The following CNTN4 variants were observed in gnomAD, a reference collection of about 807,000 sequenced individuals.
CNTN4 encodes the protein contactin 4, also known as contactin-4.
CNTN4 carries 77 observed loss-of-function variants against 122.5 expected under a neutral mutation model. That is an observed-to-expected ratio of 0.63 (90% CI 0.52 to 0.76). The LOEUF (loss-of-function observed/expected upper bound fraction) is 0.76, where lower values mean the gene tolerates loss of function less well. Ranked by LOEUF, CNTN4 falls within the 30% of genes least tolerant of loss-of-function variation. CNTN4 has a pLI of 0.00. For missense variants in CNTN4, 1,256 were observed against 1,259.1 expected, an observed-to-expected ratio of 1.00 and a Z score of 0.04; for synonymous variants, 512 against 447.0, an observed-to-expected ratio of 1.15 and a Z score of -1.83.
chr3:2,109,206 A>G, intron 2 of CNTN4, among the ~76,000 whole-genome samples: 1 of 152,224 alleles, frequency 6.6e-6, no homozygotes, highest in Non-Finnish European at 1.5e-5. Flanking sequence ...AGGCAAGGTC[A>G]GTATTGGTGC....
chr3:2,254,192 A>G (rs903624791), intron 2 of CNTN4, among the ~76,000 whole-genome samples: 1 of 152,066 alleles, frequency 6.6e-6, no homozygotes, highest in Non-Finnish European at 1.5e-5. Context: ...TTCCAGCTTC[A>G]TCCATGTCCC....
At chr3:2,828,160 G>C (rs1434842866) in intron 7 of CNTN4, among the ~76,000 whole-genome samples, 1 of 151,886 alleles carries the variant, frequency 6.6e-6, no homozygotes, top group African/African-American at 2.4e-5. Context: ...TGTATAATGA[G>C]AGAAGTGCCC....
At chr3:2,991,862 C>A (rs1695083759) in intron 14 of CNTN4, among the ~76,000 whole-genome samples, 2 of 152,158 alleles carry the variant, frequency 1.3e-5, no homozygotes, top group Middle Eastern at 3.2e-3. Flanking sequence ...TACAAAGGGA[C>A]TAATTTATCA....
At chr3:2,334,861 C>T (rs1010000771) in intron 2 of CNTN4, among the ~76,000 whole-genome samples, 2 of 152,140 alleles carry the variant, frequency 1.3e-5, no homozygotes, top group African/African-American at 4.8e-5. Flanking sequence ...TTTTCATGCT[C>T]TTACCTGTCA....
At chr3:2,509,846 A>G (rs960349910) in intron 3 of CNTN4, among the ~76,000 whole-genome samples, 1 of 152,184 alleles carries the variant, frequency 6.6e-6, no homozygotes, top group African/African-American at 2.4e-5. Context: ...AGAAAGTAAG[A>G]TGGAGAAATC....
chr3:2,383,958 A>AT (rs1229578906), intron 3 of CNTN4, among the ~76,000 whole-genome samples: 1 of 152,214 alleles, frequency 6.6e-6, no homozygotes, highest in Admixed American at 6.5e-5. Context: ...GTATGTATAT[A>AT]TCACAACCAT....
intron 3 of CNTN4, among the ~76,000 whole-genome samples, chr3:2,379,593 T>C (rs1007329924): frequency 1.3e-5 from 2 of 152,236 alleles, no homozygotes; most frequent in African/African-American, 2.4e-5. Context: ...TTATAAAATA[T>C]GTCAGGGATA....
At chr3:2,422,159 C>T (rs1178353092) in intron 3 of CNTN4, among the ~76,000 whole-genome samples, 1 of 152,208 alleles carries the variant, frequency 6.6e-6, no homozygotes, top group African/African-American at 2.4e-5. Flanking sequence ...GTTTTAACCA[C>T]ATCTAGAGCA....
chr3:2,206,709 A>G (rs912674641), intron 2 of CNTN4, among the ~76,000 whole-genome samples: 1 of 152,088 alleles, frequency 6.6e-6, no homozygotes, highest in Non-Finnish European at 1.5e-5. Context: ...TAGAATAGTG[A>G]TAATAAGCAT....
intron 4 of CNTN4, among the ~76,000 whole-genome samples, chr3:2,628,603 T>C (rs574440407): frequency 6.6e-6 from 1 of 152,338 alleles, no homozygotes; most frequent in Admixed American, 6.5e-5. Context: ...TTTTCTTTTC[T>C]AGTTGCCTTT....
chr3:2,176,668 G>A (rs561726588), intron 2 of CNTN4, among the ~76,000 whole-genome samples: 79 of 152,218 alleles, frequency 5.2e-4, no homozygotes, highest in African/African-American at 1.8e-3. Flanking sequence ...AGCATGATAT[G>A]CCACAAGCAA....
chr3:2,153,523 A>T (rs1241058298), intron 2 of CNTN4, among the ~76,000 whole-genome samples: 4 of 152,180 alleles, frequency 2.6e-5, no homozygotes, highest in Non-Finnish European at 5.9e-5. Context: ...TTAAACACGA[A>T]TATAGGCGGA....
At chr3:2,235,216 A>G (rs2039635252) in intron 2 of CNTN4, among the ~76,000 whole-genome samples, 1 of 152,196 alleles carries the variant, frequency 6.6e-6, no homozygotes, top group South Asian at 2.1e-4. Flanking sequence ...TTTGAGATGT[A>G]ATGATGCCAA....
At chr3:2,835,667 G>C (rs548575421) in intron 7 of CNTN4, among the ~76,000 whole-genome samples, 1 of 151,904 alleles carries the variant, frequency 6.6e-6, no homozygotes, top group East Asian at 1.9e-4. Context: ...GATACCTACT[G>C]GGTCAAAGAA....
At chr3:2,557,167 G>A (rs2078754294) in intron 3 of CNTN4, among the ~76,000 whole-genome samples, 1 of 152,074 alleles carries the variant, frequency 6.6e-6, no homozygotes, top group Non-Finnish European at 1.5e-5. Context: ...AGTTTCCACA[G>A]ATAACTAAAA....
chr3:2,599,222 A>G (rs1351655999), intron 4 of CNTN4, among the ~76,000 whole-genome samples: 1 of 152,214 alleles, frequency 6.6e-6, no homozygotes, highest in Non-Finnish European at 1.5e-5. Context: ...TGGCAATGTT[A>G]CTAGTTGTAG....
Position 2,238,735 on chromosome 3 carries a change from G to GTTTTT in CNTN4, c.-144-100437_-144-100433dup, listed in dbSNP as rs66733341. On this transcript the variant is annotated intron_variant, in intron 2 of 24. Transcript: ENST00000418658. ...ATTTTTAATTATCAGTTGGCTCTGT[G>GTTTTT]TTTTTTTTTTGAGACGGAGTCTGGC... 1.1e-4 allele frequency: 9 copies of GTTTTT among 78,900 alleles called. 2 individuals are homozygous for GTTTTT. Among genetic ancestry groups the GTTTTT allele is most frequent in the Non-Finnish European group, 1.5e-4 (6 of 40,558 alleles). The allele number at this position is 78,900 out of a possible 1,614,324, so 4.9% of individuals were successfully genotyped here. A position where few individuals can be genotyped will look rare whatever the true frequency, so the allele number is the denominator to read the frequency against.
intron 6 of CNTN4, among the ~76,000 whole-genome samples, chr3:2,782,465 C>CTGGG (rs1421037064): frequency 1.9e-4 from 25 of 133,212 alleles, no homozygotes; most frequent in African/African-American, 7.2e-4. Flanking sequence ...CCTTCTTATT[C>CTGGG]TGTGTGTGTG....
intron 8 of CNTN4, among the ~76,000 whole-genome samples, chr3:2,869,781 T>C (rs933566587): frequency 6.6e-6 from 1 of 152,206 alleles, no homozygotes; most frequent in Non-Finnish European, 1.5e-5. Flanking sequence ...GTTAAATTAA[T>C]ATGTTGGATT....
Sources: allele counts gnomAD v4.1 joint callset (sites outside exome capture counted in the v4.1 genomes callset), GRCh38; gene constraint gnomAD v4.1.1; transcripts MANE v1.5; gene names NCBI Gene and HGNC (gene_info 2026-07-23, HGNC 2026-07-21).